Variants in CRACD observed in about 807,000 individuals in gnomAD.
CRACD encodes capping protein inhibiting regulator of actin dynamics, also known as capping protein-inhibiting regulator of actin dynamics.
A neutral mutation model predicts 106.8 loss-of-function variants in CRACD; 56 were observed. The ratio of observed to expected loss-of-function variants is 0.52; its 90% CI spans 0.42 to 0.66. CRACD has a LOEUF of 0.66. Among genes scored for constraint, CRACD ranks in the 30% least tolerant of loss-of-function variants. The pLI is 0.00. For synonymous variants in CRACD, 754 were observed against 670.8 expected (o/e 1.12, Z -1.92); for missense variants, 1,730 against 1,623.2 (o/e 1.07, Z -1.13).
Position 56,316,303 on chromosome 4 carries a change from C to G in CRACD, c.2801C>G (p.Pro934Arg). The G allele has an allele frequency of 5.0e-6, 8 of 1,614,020 alleles. No individual in the cohort carries two copies. Among genetic ancestry groups the G allele is most frequent in the Non-Finnish European group, 6.8e-6 (8 of 1,179,894 alleles). Residue 934 changes from proline (P) to arginine (R), a missense_variant, in exon 8 of 11, where the codon CCT becomes CGT. Transcript: ENST00000682029. ...AGCCGCTCTGTTCCTGTGGCCCACCCTGGGCCTCCACCGGCCAGCAGCCAG... is the reference window on the plus strand; with the variant it reads ...AGCCGCTCTGTTCCTGTGGCCCACCGTGGGCCTCCACCGGCCAGCAGCCAG... ...SSSRSVPVAH[P>R]GPPPASSQTP...
At chr4:56,234,077 T>C (rs748824914) in intron 2 of CRACD, among the ~76,000 whole-genome samples, 15 of 152,190 alleles carry the variant, frequency 9.9e-5, no homozygotes, top group Non-Finnish European at 1.9e-4. Context: ...CTCCATCATT[T>C]TTAATAATAG....
Position 56,168,025 on chromosome 4 carries a change from A to C in CRACD, c.-335-11259A>C, listed in dbSNP as rs147954744. Among the ~76,000 whole-genome samples, 850 of 152,316 alleles carry C rather than the reference A, an allele frequency of 5.6e-3. 13 individuals are homozygous for C. Among genetic ancestry groups the C allele is most frequent in the African/African-American group, 0.019 (803 of 41,584 alleles). ...GTTGTCTGTGTATAAAGATGGTTTTACTTCTTCCTTTCCAATCTGTATCAC... is the reference window on the plus strand; with the variant it reads ...GTTGTCTGTGTATAAAGATGGTTTTCCTTCTTCCTTTCCAATCTGTATCAC... On this transcript the variant is annotated intron_variant, in intron 1 of 10. Coordinates refer to ENST00000682029, the MANE Select transcript of CRACD (RefSeq NM_001393381.1).
At chr4:56,319,520 C>T (rs1014277215) in intron 8 of CRACD, among the ~76,000 whole-genome samples, 1 of 152,020 alleles carries the variant, frequency 6.6e-6, no homozygotes, top group Admixed American at 6.5e-5. Context: ...GGGAGGATTG[C>T]TTGAGCCTAG....
intron 1 of CRACD, among the ~76,000 whole-genome samples, chr4:56,162,409 A>T (rs368047086): frequency 6.6e-6 from 1 of 151,868 alleles, no homozygotes; most frequent in Non-Finnish European, 1.5e-5. Flanking sequence ...GGGTCTGGCT[A>T]TGTTGTCCAG....
intron 4 of CRACD, among the ~76,000 whole-genome samples, chr4:56,306,452 G>T (rs1168976740): frequency 2.0e-5 from 3 of 152,158 alleles, no homozygotes; most frequent in Non-Finnish European, 4.4e-5. Flanking sequence ...ATTCAAGGTT[G>T]CAATGAGCCA....
intron 1 of CRACD, among the ~76,000 whole-genome samples, chr4:56,136,641 C>G (rs1735009999): frequency 1.3e-5 from 2 of 152,076 alleles, no homozygotes; most frequent in South Asian, 4.2e-4. Flanking sequence ...TTTACATAAT[C>G]TAGATACAAG....
intron 5 of CRACD, among the ~76,000 whole-genome samples, chr4:56,307,951 A>C (rs1577890198): frequency 6.6e-6 from 1 of 152,134 alleles, no homozygotes; most frequent in South Asian, 2.1e-4. Flanking sequence ...GCTTATGCCT[A>C]CCTCTTCTGG....
At chr4:56,286,481 G>GCGC (rs1743349385) in intron 3 of CRACD, among the ~76,000 whole-genome samples, 1 of 131,932 alleles carries the variant, frequency 7.6e-6, no homozygotes, top group African/African-American at 2.8e-5. Context: ...AGCCGAGATC[G>GCGC]CGCCACTGCA....
intron 2 of CRACD, among the ~76,000 whole-genome samples, chr4:56,192,325 G>T (rs952769911): frequency 3.3e-5 from 5 of 151,960 alleles, no homozygotes; most frequent in African/African-American, 1.2e-4. Context: ...CCGGGAGGCA[G>T]AAGTTGCAGT....
chr4:56,238,392 G>C lies in CRACD; in HGVS notation c.-188-33929G>C, dbSNP rs527378697. 8.5e-5 allele frequency among the ~76,000 whole-genome samples: 13 copies of C among 152,270 alleles called. No individual in the cohort carries two copies. In the East Asian group the frequency reaches 1.5e-3, roughly 18 times the overall value. On this transcript the variant is annotated intron_variant, in intron 2 of 10. Transcript: ENST00000682029. ...CTGGACTTCTTACATGGCCACTTAGGGCTTCAAAGCCTTGTGTCCCAATAG... is the reference window on the plus strand; with the variant it reads ...CTGGACTTCTTACATGGCCACTTAGCGCTTCAAAGCCTTGTGTCCCAATAG...
intron 1 of CRACD, among the ~76,000 whole-genome samples, chr4:56,101,648 A>C (rs1393903283): frequency 6.6e-6 from 1 of 151,834 alleles, no homozygotes; most frequent in African/African-American, 2.4e-5. Flanking sequence ...CTGTAATCCC[A>C]GCTACTTGGG....
intron 2 of CRACD, among the ~76,000 whole-genome samples, chr4:56,191,505 GAC>G (rs1377476330): frequency 2.0e-5 from 3 of 151,382 alleles, no homozygotes; most frequent in African/African-American, 7.3e-5. Flanking sequence ...CTCTTATAAA[GAC>G]CCTTGTGAAT....
intron 1 of CRACD, among the ~76,000 whole-genome samples, chr4:56,164,136 ATT>A (rs34769096): frequency 1.4e-3 from 193 of 141,352 alleles, no homozygotes; most frequent in African/African-American, 3.3e-3. Flanking sequence ...ACAGGAGATA[ATT>A]TTTTTTTTTT....
chr4:56,175,690 C>A (rs766326595), intron 1 of CRACD, among the ~76,000 whole-genome samples: 65 of 152,122 alleles, frequency 4.3e-4, no homozygotes, highest in Non-Finnish European at 8.8e-4. Flanking sequence ...GGTTATTAAT[C>A]CCTCGTCAGA....
At chr4:56,193,811 G>GT (rs574738014) in intron 2 of CRACD, among the ~76,000 whole-genome samples, 2,882 of 148,206 alleles carry the variant, frequency 0.019, 62 homozygotes, top group Non-Finnish European at 0.025. Context: ...AAAAGTTTCT[G>GT]TTTTTTTTTT....
Position 56,329,546 on chromosome 4 carries a change from TATC to T in CRACD, c.*1745_*1747del, listed in dbSNP as rs1337008511. Among the ~76,000 whole-genome samples the T allele has an allele frequency of 6.6e-6, 1 of 152,214 alleles. No homozygotes were observed. ...TTGTACTCTTGCAAGTTGGATTTAA[TATC>T]ATATATACTGGACCTTCAGACTGTT... On this transcript the variant is annotated 3_prime_UTR_variant, in exon 11 of 11. Transcript: ENST00000682029.
At chr4:56,265,403 GGT>G (rs111811548) in intron 2 of CRACD, among the ~76,000 whole-genome samples, 11,422 of 77,366 alleles carry the variant, frequency 0.15, 510 homozygotes, top group African/African-American at 0.18. Flanking sequence ...ATAGAGGAGG[GGT>G]GTGTGTGTGT....
At chr4:56,190,483 T>C (rs1202289558) in intron 2 of CRACD, among the ~76,000 whole-genome samples, 4 of 152,218 alleles carry the variant, frequency 2.6e-5, no homozygotes, top group Non-Finnish European at 4.4e-5. Flanking sequence ...AAATAAAAAG[T>C]ATTTCTTGAA....
At chr4:56,133,076 C>T (rs1577683509) in intron 1 of CRACD, among the ~76,000 whole-genome samples, 2 of 152,164 alleles carry the variant, frequency 1.3e-5, no homozygotes, top group Non-Finnish European at 2.9e-5. Flanking sequence ...TTTGCACCCT[C>T]GCTGAGTCAC....
Sources: gnomAD v4.1 joint callset for allele counts (sites outside exome capture counted in the v4.1 genomes callset) on GRCh38, gnomAD v4.1.1 for gene constraint, MANE v1.5 for transcripts, NCBI Gene and HGNC (gene_info 2026-07-23, HGNC 2026-07-21) for gene names.